ACOT6: variants seen among roughly 807,000 people sequenced by gnomAD.
ACOT6 encodes the protein acyl-coenzyme A thioesterase 6.
ACOT6 carries 14 observed loss-of-function variants against 12.3 expected under a neutral mutation model. The ratio of observed to expected loss-of-function variants is 1.14; its 90% CI spans 0.75 to 1.78. The LOEUF (loss-of-function observed/expected upper bound fraction) is 1.78, where lower values mean the gene tolerates loss of function less well. Among genes scored for constraint, ACOT6 ranks in the 40% most tolerant of loss-of-function variants. ACOT6 has a pLI of 0.00. For synonymous variants in ACOT6, 218 were observed against 231.3 expected (o/e 0.94, Z 0.52); for missense variants, 523 against 551.8 (o/e 0.95, Z 0.52).
At chr14:73,617,721 C>A (rs945874268) in intron 2 of ACOT6, among the ~76,000 whole-genome samples, 1 of 151,978 alleles carries the variant, frequency 6.6e-6, no homozygotes, top group Non-Finnish European at 1.5e-5. Context: ...TTTTTTGAGA[C>A]AACTGGAGAC....
intron 1 of ACOT6, among the ~76,000 whole-genome samples, chr14:73,615,643 T>G (rs143912317): frequency 6.6e-6 from 1 of 151,638 alleles, no homozygotes; most frequent in East Asian, 2.0e-4. Flanking sequence ...GGCAGGAGAA[T>G]CGCTTGAACC....
At chr14:73,614,048 A>AAAC (rs1555399010) in intron 1 of ACOT6, among the ~76,000 whole-genome samples, 86 of 143,894 alleles carry the variant, frequency 6.0e-4, no homozygotes, top group African/African-American at 2.1e-3. Context: ...AAAAAAAAAA[A>AAAC]AAATTAGGCA....
At chr14:73,616,253 C>A (rs1169784684) in intron 1 of ACOT6, among the ~76,000 whole-genome samples, 3 of 151,952 alleles carry the variant, frequency 2.0e-5, no homozygotes, top group African/African-American at 7.3e-5. Context: ...TAGGCATGAA[C>A]CACCACACCT....
Position 73,619,629 on chromosome 14 carries a change from A to G in ACOT6, c.1056A>G (p.Ile352Met). The G allele has an allele frequency of 6.2e-7, 1 of 1,614,206 alleles. No individual in the cohort carries two copies. The highest frequency in any genetic ancestry group is 8.5e-7 in the Non-Finnish European group (1 of 1,180,030). Residue 352 changes from isoleucine to methionine, a missense_variant, in exon 3 of 3, where the codon ATA (isoleucine) becomes ATG (methionine). By Grantham distance (10) the Ile-to-Met change is conservative. This residue lies in a region of ACOT6 where 219 missense variants were observed against 277.0 expected (regional missense o/e 0.79). Transcript: ENST00000645972. ...CTCATGGGAAAGAAAGACCCCAGAT[A>G]ATCTGTTACCCAGAAACTGGTCACT... is the stretch of plus-strand genomic sequence containing the variant. ...LQAHGKERPQ[I>M]ICYPETGHCI...
intron 2 of ACOT6, 42 bp from the exon 3 acceptor site, chr14:73,619,192 T>A (rs761285209): frequency 6.6e-6 from 10 of 1,520,336 alleles, no homozygotes; most frequent in Non-Finnish European, 5.3e-6. Flanking sequence ...GTCCTCCATT[T>A]ATGAATTCTA....
Position 73,612,534 on chromosome 14 carries a change from C to T in ACOT6, c.-38C>T, listed in dbSNP as rs1215430100. Reference sequence around the variant, plus strand: ...AAGCCGCCAGGCCCGCCCACTGACTCCGCGGAGCTGGGTCGCCCCTGTTCT... The same window carrying T: ...AAGCCGCCAGGCCCGCCCACTGACTTCGCGGAGCTGGGTCGCCCCTGTTCT... On this transcript the variant is annotated 5_prime_UTR_variant, in exon 1 of 3. Coordinates refer to ENST00000645972, the MANE Select transcript of ACOT6 (RefSeq NM_001365788.1). 4 of 1,233,278 alleles carry T rather than the reference C, an allele frequency of 3.2e-6. No individual in the cohort carries two copies. Among genetic ancestry groups the T allele is most frequent in the African/African-American group, 1.6e-5 (1 of 62,950 alleles). 76.4% of individuals were successfully genotyped at this position (1,233,278 alleles called of 1,614,324 possible). A position where few individuals can be genotyped will look rare whatever the true frequency, so the allele number is the denominator to read the frequency against.
chr14:73,619,220 T>C lies in ACOT6; in HGVS notation c.661-14T>C, dbSNP rs1258590904. ...GAATTCTAAGCTTGTTTTCCTTCTC[T>C]TTTTCCTCAACAGGTGAAAGGTCCT... On this transcript the variant is annotated splice_polypyrimidine_tract_variant and intron_variant, in intron 2 of 2. Transcript: ENST00000645972. The C allele has an allele frequency of 2.6e-6, 4 of 1,536,498 alleles. No homozygotes were observed. The highest frequency in any genetic ancestry group is 3.5e-6 in the Non-Finnish European group (4 of 1,145,734).
chr14:73,613,140 AG>A (rs1223166893), intron 1 of ACOT6, 108 bp downstream of exon 1: 4 of 488,938 alleles, frequency 8.2e-6, no homozygotes, highest in Admixed American at 4.4e-5. Flanking sequence ...TTCGCTCCAG[AG>A]TCTGTCATGG....
Position 73,616,992 on chromosome 14 carries a change from A to AG in ACOT6, c.465dup. ...CTGTGATTTGTGATGTTCTCCAGGCAGGGGGCCCTTTCCTGGGATCATTGA... is the reference window on the plus strand; with the variant it reads ...CTGTGATTTGTGATGTTCTCCAGGCAGGGGGGCCCTTTCCTGGGATCATTGA... On this transcript the variant is annotated splice_acceptor_variant, in intron 1 of 2. Transcript: ENST00000645972. LOFTEE classifies it high-confidence loss of function. The AG allele has an allele frequency of 1.5e-6, 1 of 683,416 alleles. No homozygotes were observed. Among genetic ancestry groups the AG allele is most frequent in the Non-Finnish European group, 2.6e-6 (1 of 385,360 alleles). 42.3% of individuals were successfully genotyped at this position (683,416 alleles called of 1,614,324 possible).
chr14:73,612,745 C>G lies in ACOT6; in HGVS notation c.174C>G (p.Asp58Glu). The change falls in exon 1 of 3, where the codon GAC becomes GAG. Residue 58 changes from aspartate (D) to glutamate (E), a missense_variant. This residue lies in a region of ACOT6 where 304 missense variants were observed against 274.8 expected (regional missense o/e 1.11). Transcript: ENST00000645972. Reference protein sequence around the residue: ...AHARYRADARDELDLERAPAL... With the variant: ...AHARYRADAREELDLERAPAL... ...CGCGCTACCGTGCCGACGCCCGCGA[C>G]GAGCTGGACCTGGAGCGCGCGCCCG... 4 of 1,369,224 alleles carry G rather than the reference C, an allele frequency of 2.9e-6. No homozygotes were observed. The highest frequency in any genetic ancestry group is 1.7e-5 in the South Asian group (1 of 57,210). The allele number at this position is 1,369,224 out of a possible 1,614,324, so 84.8% of individuals were successfully genotyped here. A position where few individuals can be genotyped will look rare whatever the true frequency, so the allele number is the denominator to read the frequency against.
chr14:73,616,169 T>C (rs1890534675), intron 1 of ACOT6, among the ~76,000 whole-genome samples: 1 of 152,138 alleles, frequency 6.6e-6, no homozygotes, highest in Non-Finnish European at 1.5e-5. Flanking sequence ...GGTCTTGTTA[T>C]GTTGCCCAGG....
rs1890598757 is a variant in ACOT6, at chr14:73,619,712, A to G, written c.1139A>G (p.Glu380Gly). ...GCTTCTGTGCACGCTGTTTTGGGTG[A>G]GGCAATATTCTATGGAGGTGAGCCA... ...SRASVHAVLG[E>G]AIFYGGEPKA... is the part of the protein sequence containing the mutation. Residue 380 changes from glutamate (E) to glycine (G), a missense_variant, in exon 3 of 3, where the codon GAG (glutamate) becomes GGG (glycine). This residue lies in a region of ACOT6 where 219 missense variants were observed against 277.0 expected (regional missense o/e 0.79). Transcript: ENST00000645972. 2 of 1,614,072 alleles carry G rather than the reference A, an allele frequency of 1.2e-6. No individual in the cohort carries two copies. The highest frequency in any genetic ancestry group is 1.3e-5 in the African/African-American group (1 of 74,930).
Position 73,612,787 on chromosome 14 carries a change from C to A in ACOT6, c.216C>A (p.Phe72Leu). ...GCGCGCCCGCGCTGGGAGGCAGCTT[C>A]GCGGGGCTCCAGCCCATGGGGCTGC... ...LERAPALGGS[F>L]AGLQPMGLLW... The change falls in exon 1 of 3, where the codon TTC becomes TTA. Residue 72 changes from phenylalanine (F) to leucine (L), a missense_variant. Coordinates refer to ENST00000645972, the MANE Select transcript of ACOT6 (RefSeq NM_001365788.1). The A allele has an allele frequency of 7.3e-7, 1 of 1,363,898 alleles. No individual in the cohort carries two copies. 84.5% of individuals were successfully genotyped at this position (1,363,898 alleles called of 1,614,324 possible).
At chr14:73,615,206 T>C (rs547729745) in intron 1 of ACOT6, among the ~76,000 whole-genome samples, 8 of 146,050 alleles carry the variant, frequency 5.5e-5, no homozygotes, top group Non-Finnish European at 1.0e-4. Flanking sequence ...GCCAAGATGG[T>C]GAAACCCTGT....
At chr14:73,612,004 C>T (rs1191534610), upstream of ACOT6, among the ~76,000 whole-genome samples, 7 of 151,632 alleles carry the variant, frequency 4.6e-5, no homozygotes, top group South Asian at 2.1e-4. Flanking sequence ...GCCTCTATTT[C>T]GACACTCACC....
In ACOT6 at chr14:73,618,583, A is replaced by G. The variant is rs985980361; in HGVS notation, c.661-651A>G. Reference sequence around the variant, plus strand: ...TCCAAGATTTTAAATTTGAGCCTGAACTTATGAATTGTTATGGTGGTATAT... The same window carrying G: ...TCCAAGATTTTAAATTTGAGCCTGAGCTTATGAATTGTTATGGTGGTATAT... On this transcript the variant is annotated intron_variant, in intron 2 of 2. Coordinates refer to ENST00000645972, the MANE Select transcript of ACOT6 (RefSeq NM_001365788.1). Among the ~76,000 whole-genome samples, 22 of 146,050 alleles carry G rather than the reference A, an allele frequency of 1.5e-4. 1 individual carries two copies. The highest frequency in any genetic ancestry group is 2.6e-4 in the Non-Finnish European group (18 of 67,984).
upstream of ACOT6, among the ~76,000 whole-genome samples, chr14:73,612,342 G>A (rs1890456719): frequency 6.6e-6 from 1 of 152,190 alleles, no homozygotes; most frequent in South Asian, 2.1e-4. Flanking sequence ...GCCCCCGGCC[G>A]GATTGGTCAT....
At chr14:73,619,087 A>ATG in intron 2 of ACOT6, 147 bp from the exon 3 acceptor site, 3 of 1,002,554 alleles carry the variant, frequency 3.0e-6, no homozygotes, top group Non-Finnish European at 4.2e-6. Context: ...CCAAGATTGC[A>ATG]CCACTGCACT....
At chr14:73,613,699 G>A (rs1305683261) in intron 1 of ACOT6, among the ~76,000 whole-genome samples, 1 of 152,210 alleles carries the variant, frequency 6.6e-6, no homozygotes, top group Non-Finnish European at 1.5e-5. Context: ...GCAGAGGCCA[G>A]AGATGCTGCT....
Sources: gnomAD v4.1 joint callset for allele counts (sites outside exome capture counted in the v4.1 genomes callset) on GRCh38, gnomAD v4.1.1 for gene constraint, gnomAD v4.1.1 regional missense constraint, MANE v1.5 for transcripts, NCBI Gene and HGNC (gene_info 2026-07-23, HGNC 2026-07-21) for gene names.